The following TOM1L2 variants were observed in gnomAD, a reference collection of about 807,000 sequenced individuals.
TOM1L2 encodes target of myb1 like 2 membrane trafficking protein, also known as TOM1-like protein 2.
Under a neutral mutation model 67.9 loss-of-function variants are expected in TOM1L2, and 31 were observed. The ratio of observed to expected loss-of-function variants is 0.46; its 90% CI spans 0.34 to 0.62. TOM1L2 has a LOEUF of 0.62. Among genes scored for constraint, TOM1L2 ranks in the 20% least tolerant of loss-of-function variants. The pLI is 0.01. For missense variants in TOM1L2, 606 were observed against 663.5 expected, an observed-to-expected ratio of 0.91 and a Z score of 0.95; for synonymous variants, 256 against 254.0, an observed-to-expected ratio of 1.01 and a Z score of -0.07.
intron 1 of TOM1L2, among the ~76,000 whole-genome samples, chr17:17,938,901 T>C (rs2040617735): frequency 6.6e-6 from 1 of 152,086 alleles, no homozygotes; most frequent in African/African-American, 2.4e-5. Context: ...TCTCACTTTC[T>C]ATACACTGGG....
chr17:17,924,207 T>C lies in TOM1L2; in HGVS notation c.53-16676A>G, dbSNP rs146192005. On this transcript the variant is annotated intron_variant, in intron 1 of 14. Transcript: ENST00000379504. ...TTCCATTTATATAAAATGTCCAGAA[T>C]AGGCAAATCTATAGAGACAGAAAAT... 6.4e-3 allele frequency among the ~76,000 whole-genome samples: 979 copies of C among 152,186 alleles called. 11 individuals carry two copies. The highest frequency in any genetic ancestry group is 0.058 in the East Asian group (299 of 5,186).
intron 7 of TOM1L2, among the ~76,000 whole-genome samples, chr17:17,871,403 C>T (rs748771416): frequency 6.6e-6 from 1 of 152,106 alleles, no homozygotes; most frequent in Non-Finnish European, 1.5e-5. Context: ...AGTGCGGTGC[C>T]TCATGCCTGT....
intron 1 of TOM1L2, among the ~76,000 whole-genome samples, chr17:17,929,579 C>T (rs1223154761): frequency 6.6e-6 from 1 of 151,894 alleles, no homozygotes; most frequent in Non-Finnish European, 1.5e-5. Context: ...TGTGGTGAGC[C>T]GAGATCGCAC....
rs546058437 is a variant in TOM1L2 at position 17,956,832 on chromosome 17, G to A, written c.52+15430C>T. ...GGCCCGCAAGCGCCACGCGCAGCCCGGTTCCCGCCCGCGCCTCTCCCTCCA... is the reference window on the plus strand; with the variant it reads ...GGCCCGCAAGCGCCACGCGCAGCCCAGTTCCCGCCCGCGCCTCTCCCTCCA... On this transcript the variant is annotated intron_variant, in intron 1 of 14. Transcript: ENST00000379504. Among the ~76,000 whole-genome samples the A allele has an allele frequency of 1.1e-3, 163 of 152,238 alleles. 1 individual carries two copies. The highest frequency in any genetic ancestry group is 3.6e-3 in the African/African-American group (148 of 41,554).
At chr17:17,896,960 G>T (rs1473603011) in intron 3 of TOM1L2, among the ~76,000 whole-genome samples, 1 of 152,206 alleles carries the variant, frequency 6.6e-6, no homozygotes, top group Non-Finnish European at 1.5e-5. Flanking sequence ...TCAGTGTAGG[G>T]ACGGCAGCCC....
At chr17:17,913,797 G>T (rs989838925) in intron 1 of TOM1L2, among the ~76,000 whole-genome samples, 2 of 152,208 alleles carry the variant, frequency 1.3e-5, no homozygotes, top group Non-Finnish European at 2.9e-5. Flanking sequence ...TGAATATAAG[G>T]TTAATGGATT....
At chr17:17,852,377 G>A (rs929768828) in intron 12 of TOM1L2, among the ~76,000 whole-genome samples, 15 of 152,110 alleles carry the variant, frequency 9.9e-5, no homozygotes, top group African/African-American at 3.4e-4. Context: ...AGGTATCTAC[G>A]ATGCCACCAG....
intron 2 of TOM1L2, among the ~76,000 whole-genome samples, chr17:17,902,132 C>A (rs549864128): frequency 6.6e-6 from 1 of 152,136 alleles, no homozygotes; most frequent in African/African-American, 2.4e-5. Context: ...GCTGAGATCA[C>A]ACCATTGCAC....
chr17:17,884,123 T>C (rs1247641219), intron 5 of TOM1L2, among the ~76,000 whole-genome samples: 2 of 152,294 alleles, frequency 1.3e-5, no homozygotes, highest in South Asian at 2.1e-4. Flanking sequence ...AGGGCTTTGA[T>C]CCCAAGGCTG....
At chr17:17,852,368 G>C (rs1434570049) in intron 12 of TOM1L2, among the ~76,000 whole-genome samples, 2 of 151,972 alleles carry the variant, frequency 1.3e-5, no homozygotes, top group Non-Finnish European at 2.9e-5. Flanking sequence ...ACTCTGAGCA[G>C]GTATCTACGA....
intron 1 of TOM1L2, among the ~76,000 whole-genome samples, chr17:17,933,430 G>A (rs570691091): frequency 5.3e-5 from 8 of 152,268 alleles, no homozygotes; most frequent in Admixed American, 2.6e-4. Flanking sequence ...ATCAGACTCC[G>A]TCAGAAAAGA....
intron 12 of TOM1L2, among the ~76,000 whole-genome samples, chr17:17,857,613 G>C (rs187065346): frequency 1.3e-5 from 2 of 152,340 alleles, no homozygotes; most frequent in East Asian, 3.9e-4. Context: ...TGCAAAAATA[G>C]GAGGGGAAAT....
chr17:17,847,663 C>A lies in TOM1L2; in HGVS notation c.1496G>T (p.Arg499Leu). ...CAGGGCGAAGAGGGCATCCTCTGAC[C>A]GCTCTGGCTTCTTCCGGCCAGAAGG... Reference protein sequence around the residue: ...SNPSGRKKPERSEDALFAL With the variant: ...SNPSGRKKPELSEDALFAL Residue 499 changes from arginine to leucine, a missense_variant, in exon 15 of 15, where the codon CGG (arginine) becomes CTG (leucine). Physicochemically the swap from Arg to Leu is moderately radical, Grantham distance 102 (BLOSUM62 -2). Around this residue, in one of 2 missense-constraint regions of TOM1L2, gnomAD observed 543 missense variants for 554.0 expected, o/e 0.98. Transcript: ENST00000379504. The A allele has an allele frequency of 6.2e-7, 1 of 1,613,434 alleles. No homozygotes were observed. Among genetic ancestry groups the A allele is most frequent in the Non-Finnish European group, 8.5e-7 (1 of 1,179,726 alleles).
intron 1 of TOM1L2, among the ~76,000 whole-genome samples, chr17:17,925,152 C>T (rs2040032240): frequency 6.6e-6 from 1 of 152,182 alleles, no homozygotes; most frequent in Non-Finnish European, 1.5e-5. Flanking sequence ...GCTTCCTATA[C>T]AGCCTGCAAA....
intron 1 of TOM1L2, among the ~76,000 whole-genome samples, chr17:17,920,914 T>C (rs894117844): frequency 6.6e-6 from 1 of 152,146 alleles, no homozygotes; most frequent in Non-Finnish European, 1.5e-5. Context: ...GGATTACAGG[T>C]GTGAGCCACC....
rs1476557838 is a variant in TOM1L2 at position 17,857,850 on chromosome 17, A to G, written c.1278+3626T>C. 6 of 1,535,712 alleles carry G rather than the reference A, an allele frequency of 3.9e-6. No homozygotes were observed. In the South Asian group the frequency reaches 7.1e-5, roughly 18 times the overall value. On this transcript the variant is annotated intron_variant, in intron 12 of 14. Coordinates refer to ENST00000379504, the MANE Select transcript of TOM1L2 (RefSeq NM_001082968.2). ...TACCTCTCTTCTGGGCCGAGGACAG[A>G]AAAGTCTCAGAAAGAAAAGTCACAG...
At chr17:17,956,971 G>A (rs772531326) in intron 1 of TOM1L2, among the ~76,000 whole-genome samples, 1 of 152,240 alleles carries the variant, frequency 6.6e-6, no homozygotes, top group Non-Finnish European at 1.5e-5. Flanking sequence ...GAAGGCATCG[G>A]GGCTGAGGAG....
chr17:17,921,409 C>T (rs1224871240), intron 1 of TOM1L2, among the ~76,000 whole-genome samples: 2 of 152,188 alleles, frequency 1.3e-5, no homozygotes, highest in South Asian at 2.1e-4. Flanking sequence ...GGTGTGCTCT[C>T]TAGAAGCAGA....
chr17:17,866,411 A>C lies in TOM1L2; in HGVS notation c.969T>G (p.Asn323Lys), dbSNP rs746047482. 1.9e-6 allele frequency: 3 copies of C among 1,599,472 alleles called. No homozygotes were observed. The highest frequency in any genetic ancestry group is 2.2e-5 in the South Asian group (2 of 88,938). Reference sequence around the variant, plus strand: ...CTATTAAGTTGTCTTCGGTTACTTCATTCAGTACCTGTCAGAACATGAGAT... The same window carrying C: ...CTATTAAGTTGTCTTCGGTTACTTCCTTCAGTACCTGTCAGAACATGAGAT... ...SVQNASNGVLNEVTEDNLIDL... is the reference protein window; with the variant it reads ...SVQNASNGVLKEVTEDNLIDL... Residue 323 changes from asparagine to lysine, a missense_variant, in exon 10 of 15, where the codon AAT becomes AAG. Physicochemically the swap from Asn to Lys is moderately conservative, Grantham distance 94. Transcript: ENST00000379504.
Sources: gnomAD v4.1 joint callset for allele counts (sites outside exome capture counted in the v4.1 genomes callset) on GRCh38, gnomAD v4.1.1 for gene constraint, gnomAD v4.1.1 regional missense constraint, MANE v1.5 for transcripts, NCBI Gene and HGNC (gene_info 2026-07-23, HGNC 2026-07-21) for gene names.